Variants in TOX2 observed in about 807,000 individuals in gnomAD.
TOX2 encodes the protein granulosa cell HMG box 1.
In TOX2, 15 loss-of-function variants were observed where a neutral mutation model predicts 47.4. That is an observed-to-expected ratio of 0.32 (90% CI 0.21 to 0.49). The LOEUF (loss-of-function observed/expected upper bound fraction) is 0.49, where lower values mean the gene tolerates loss of function less well. Ranked by LOEUF, TOX2 falls within the 20% of genes least tolerant of loss-of-function variation. The pLI is 0.99. For missense variants in TOX2, 622 were observed against 673.1 expected, an observed-to-expected ratio of 0.92 and a Z score of 0.84; for synonymous variants, 290 against 296.6, an observed-to-expected ratio of 0.98 and a Z score of 0.23.
chr20:43,981,759 C>T (rs1170058339), intron 2 of TOX2, among the ~76,000 whole-genome samples: 2 of 152,086 alleles, frequency 1.3e-5, no homozygotes. Flanking sequence ...CTCTGGGCTT[C>T]AGTATAAGCA....
intron 2 of TOX2, among the ~76,000 whole-genome samples, chr20:43,981,596 T>A (rs1257415373): frequency 1.3e-5 from 2 of 152,198 alleles, no homozygotes; most frequent in Non-Finnish European, 2.9e-5. Context: ...TTTTTATGTT[T>A]AGGGAGTTTT....
rs1206190153 is a variant in TOX2, at chr20:44,068,105, C to T, written c.1485-545C>T. Among the ~76,000 whole-genome samples, 4 of 151,840 alleles carry T rather than the reference C, an allele frequency of 2.6e-5. No homozygotes were observed. In the East Asian group the frequency reaches 5.8e-4, roughly 22 times the overall value. On this transcript the variant is annotated intron_variant, in intron 8 of 8. Transcript: ENST00000341197. ...GGGTGGACTCAGCTCAGCAAGAATC[C>T]CTTCCCTGCACCCCAAGCAGGTGCA...
chr20:44,017,315 G>A (rs943274257), intron 3 of TOX2, among the ~76,000 whole-genome samples: 2 of 152,202 alleles, frequency 1.3e-5, no homozygotes, highest in African/African-American at 4.8e-5. Context: ...CCTAAGCTGT[G>A]GACGATTGAA....
chr20:43,937,064 C>T (rs946664056), intron 1 of TOX2, among the ~76,000 whole-genome samples: 22 of 152,156 alleles, frequency 1.4e-4, no homozygotes, highest in African/African-American at 4.6e-4. Flanking sequence ...TAAAGCAGAA[C>T]AGGTGTGATG....
chr20:43,926,933 C>A (rs1221106573), intron 1 of TOX2, among the ~76,000 whole-genome samples: 1 of 152,194 alleles, frequency 6.6e-6, no homozygotes, highest in African/African-American at 2.4e-5. Context: ...TCTTTGCTGC[C>A]CCCTCCCTCC....
intron 2 of TOX2, among the ~76,000 whole-genome samples, chr20:43,984,835 T>C (rs1185278319): frequency 6.6e-6 from 1 of 152,084 alleles, no homozygotes; most frequent in African/African-American, 2.4e-5. Flanking sequence ...TGCAGGGGCC[T>C]GGGGGAGGGG....
At chr20:43,940,513 C>T (rs6513898) in intron 1 of TOX2, among the ~76,000 whole-genome samples, 9,436 of 149,246 alleles carry the variant, frequency 0.063, 595 homozygotes, top group African/African-American at 0.16. Context: ...TGTGAGCAAT[C>T]GCACCTGGCA....
chr20:43,956,800 T>A (rs1304570293), intron 1 of TOX2, among the ~76,000 whole-genome samples: 1 of 152,206 alleles, frequency 6.6e-6, no homozygotes, highest in South Asian at 2.1e-4. Context: ...GTTTATTTTA[T>A]GTGCATTTCC....
intron 5 of TOX2, among the ~76,000 whole-genome samples, chr20:44,057,323 C>G (rs1017444474): frequency 6.6e-6 from 1 of 152,164 alleles, no homozygotes; most frequent in Non-Finnish European, 1.5e-5. Flanking sequence ...TCAGCAATGG[C>G]GGGGATAGTG....
At chr20:43,983,490 G>A (rs976809695) in intron 2 of TOX2, among the ~76,000 whole-genome samples, 16 of 152,136 alleles carry the variant, frequency 1.1e-4, no homozygotes, top group South Asian at 2.1e-4. Flanking sequence ...CAGACCTGCC[G>A]CTCCCTGAGC....
chr20:43,997,523 T>C (rs998620037), intron 2 of TOX2, among the ~76,000 whole-genome samples: 3 of 152,224 alleles, frequency 2.0e-5, no homozygotes, highest in Non-Finnish European at 2.9e-5. Context: ...AGAATTAATA[T>C]ATTTTTCATT....
intron 1 of TOX2, among the ~76,000 whole-genome samples, chr20:43,947,336 T>C (rs1403227188): frequency 1.3e-5 from 2 of 152,244 alleles, no homozygotes; most frequent in Non-Finnish European, 2.9e-5. Context: ...CGTGTGTTCA[T>C]GTGTATATGT....
At chr20:43,994,644 C>T (rs541515738) in intron 2 of TOX2, among the ~76,000 whole-genome samples, 2 of 152,186 alleles carry the variant, frequency 1.3e-5, no homozygotes, top group South Asian at 2.1e-4. Flanking sequence ...AAAAGGACCC[C>T]CAAACCCACC....
At chr20:43,997,868 TTAAG>T (rs1015783210) in intron 2 of TOX2, among the ~76,000 whole-genome samples, 3 of 152,358 alleles carry the variant, frequency 2.0e-5, no homozygotes, top group African/African-American at 7.2e-5. Context: ...CTTAAAGTGT[TTAAG>T]TATGTAGGAG....
rs112521025 is a variant in TOX2 at position 43,992,532 on chromosome 20, G to A, written c.166-14015G>A. Among the ~76,000 whole-genome samples, 7 of 152,246 alleles carry A rather than the reference G, an allele frequency of 4.6e-5. No individual in the cohort carries two copies. The East Asian group carries it at 5.8e-4, about 13-fold the overall frequency. On this transcript the variant is annotated intron_variant, in intron 2 of 8. Coordinates refer to ENST00000341197, the MANE Select transcript of TOX2 (RefSeq NM_001098797.2). ...GGCCACTGTGGGAAACTCATGTGGC[G>A]TAAGGAAGGATCATAGCCTTCAGAT...
At chr20:43,920,958 T>C (rs915017992) in intron 1 of TOX2, among the ~76,000 whole-genome samples, 4 of 152,196 alleles carry the variant, frequency 2.6e-5, no homozygotes, top group South Asian at 2.1e-4. Flanking sequence ...GCCTGACACA[T>C]AGATGCTCAG....
intron 2 of TOX2, among the ~76,000 whole-genome samples, chr20:43,981,328 G>T (rs1321948089): frequency 6.6e-6 from 1 of 152,106 alleles, no homozygotes; most frequent in Non-Finnish European, 1.5e-5. Flanking sequence ...TATGAGAAAT[G>T]ACATATTCAA....
In TOX2 at chr20:44,054,284, T is replaced by C; in HGVS notation, c.652-15T>C. ...TTGGGCTTCTTTGGTTTTCTGACTC[T>C]TCTCACTCGGGCAGATCTCGGGAGA... On this transcript the variant is annotated splice_polypyrimidine_tract_variant and intron_variant, in intron 4 of 8. Coordinates refer to ENST00000341197, the MANE Select transcript of TOX2 (RefSeq NM_001098797.2). The C allele has an allele frequency of 6.3e-7, 1 of 1,594,354 alleles. No homozygotes were observed. Among genetic ancestry groups the C allele is most frequent in the Non-Finnish European group, 8.5e-7 (1 of 1,170,036 alleles).
intron 3 of TOX2, among the ~76,000 whole-genome samples, chr20:44,049,581 C>T (rs1346479072): frequency 1.3e-5 from 2 of 152,164 alleles, no homozygotes; most frequent in East Asian, 3.8e-4. Context: ...TTTGCTGTAC[C>T]TATCAACTCA....
Sources: gnomAD v4.1 joint callset for allele counts (sites outside exome capture counted in the v4.1 genomes callset) on GRCh38, gnomAD v4.1.1 for gene constraint, MANE v1.5 for transcripts, NCBI Gene and HGNC (gene_info 2026-07-23, HGNC 2026-07-21) for gene names.